The following MKI67 variants were observed in gnomAD, a reference collection of about 807,000 sequenced individuals.
MKI67 encodes proliferation marker protein Ki-67.
MKI67 carries 152 observed loss-of-function variants against 233.5 expected under a neutral mutation model. That is an observed-to-expected ratio of 0.65 (90% CI 0.57 to 0.74). MKI67 has a LOEUF of 0.74. Among genes scored for constraint, MKI67 ranks in the 30% least tolerant of loss-of-function variants. MKI67 has a pLI of 0.00. For missense variants in MKI67, 3,940 were observed against 3,885.2 expected, an observed-to-expected ratio of 1.01 and a Z score of -0.37; for synonymous variants, 1,465 against 1,418.5, an observed-to-expected ratio of 1.03 and a Z score of -0.74.
chr10:128,106,021 C>T lies in MKI67; in HGVS notation c.5819G>A (p.Arg1940Gln), dbSNP rs555853965. The change falls in exon 13 of 15, where the codon CGG becomes CAG. Residue 1940 changes from arginine (R) to glutamine (Q), a missense_variant. Coordinates refer to ENST00000368654, the MANE Select transcript of MKI67 (RefSeq NM_002417.5). ...LLGNLPGSKR[R>Q]PQTPKEKAKA... ...GGCCTTTTCTTTAGGAGTTTGTGGCCGTCTCTTGCTGCCAGGTAAATTTCC... is the reference window on the plus strand; with the variant it reads ...GGCCTTTTCTTTAGGAGTTTGTGGCTGTCTCTTGCTGCCAGGTAAATTTCC... 43 of 1,613,876 alleles carry T rather than the reference C, an allele frequency of 2.7e-5. No individual in the cohort carries two copies. Among genetic ancestry groups the T allele is most frequent in the South Asian group, 1.5e-4 (14 of 91,086 alleles).
At position 128,104,762 on chromosome 10, in the gene MKI67, G is replaced by C; in HGVS notation, c.7078C>G (p.Pro2360Ala). 2 of 1,611,132 alleles carry C rather than the reference G, an allele frequency of 1.2e-6. No individual in the cohort carries two copies. Among genetic ancestry groups the C allele is most frequent in the East Asian group, 2.2e-5 (1 of 44,658 alleles). Residue 2360 changes from proline (P) to alanine (A), a missense_variant, in exon 13 of 15, where the codon CCC becomes GCC. By Grantham distance (27) the Pro-to-Ala change is conservative. Coordinates refer to ENST00000368654, the MANE Select transcript of MKI67 (RefSeq NM_002417.5). ...TCTGCTTTCCTGAGGTTTCTCTTGG[G>C]CCGTTGCTTTGTGCTTGCTGGGGTG... ...VDTPASTKQR[P>A]KRNLRKADVE...
rs1852576439 is a variant in MKI67, at chr10:128,108,362, ATTC to A, written c.3475_3477del (p.Glu1159del). The A allele has an allele frequency of 6.2e-7, 1 of 1,611,980 alleles. No individual in the cohort carries two copies. The highest frequency in any genetic ancestry group is 8.5e-7 in the Non-Finnish European group (1 of 1,179,522). On this transcript the variant is annotated inframe_deletion, in exon 13 of 15. Coordinates refer to ENST00000368654, the MANE Select transcript of MKI67 (RefSeq NM_002417.5). ...GGTGTTAGTTTCCTGAGTGCTAAGA[ATTC>A]TTCCTCTACATCTGCTTTCCTGAGA...
At position 128,103,715 on chromosome 10, in the gene MKI67, G is replaced by A. The variant is rs1277123081; in HGVS notation, c.8125C>T (p.Pro2709Ser). 4.3e-6 allele frequency: 7 copies of A among 1,613,846 alleles called. No individual in the cohort carries two copies. The African/African-American group carries it at 9.4e-5, about 22-fold the overall frequency. The stretch of plus-strand genomic sequence containing the variant: ...GTGGTGTCTACCACTTCTAGTGGGG[G>A]AGATTCGCAGGGTATTTTAGTGGCT... ...GKATKIPCESPPLEVVDTTAS... is the reference protein window; with the variant it reads ...GKATKIPCESSPLEVVDTTAS... The change falls in exon 13 of 15, where the codon CCC becomes TCC. Residue 2709 changes from proline to serine, a missense_variant. Transcript: ENST00000368654.
Position 128,109,087 on chromosome 10 carries a change from C to G in MKI67, c.2753G>C (p.Arg918Thr). The change falls in exon 13 of 15, where the codon AGA (arginine) becomes ACA (threonine). Residue 918 changes from arginine to threonine, a missense_variant. Transcript: ENST00000368654. ...TTCTATTTCCTTCATCTCTCCTTCTCTCCTTTGTTGTAGTAGTGTTGCCTT... is the reference window on the plus strand; with the variant it reads ...TTCTATTTCCTTCATCTCTCCTTCTGTCCTTTGTTGTAGTAGTGTTGCCTT... ...GQKATLLQQR[R>T]EGEMKEIERP... is the part of the protein sequence containing the mutation. The G allele has an allele frequency of 6.2e-7, 1 of 1,614,196 alleles. No individual in the cohort carries two copies. Among genetic ancestry groups the G allele is most frequent in the Non-Finnish European group, 8.5e-7 (1 of 1,180,036 alleles).
Position 128,104,550 on chromosome 10 carries a change from C to T in MKI67, c.7290G>A (p.Lys2430=), listed in dbSNP as rs1367405697. The T allele has an allele frequency of 6.2e-7, 1 of 1,613,996 alleles. No individual in the cohort carries two copies. Among genetic ancestry groups the T allele is most frequent in the Non-Finnish European group, 8.5e-7 (1 of 1,180,038 alleles). ...CAACCAGGTCCTCTAGAGCCTCAGC[C>T]TTTTCCTTAGGAGTCTGTGGCTGTC... ...SKRQPQTPKE[K]AEALEDLVGF... is the part of the protein sequence containing the mutation. The change falls in exon 13 of 15, where the codon AAG becomes AAA. Residue 2430 remains lysine (K), a synonymous_variant. Transcript: ENST00000368654.
rs1434753537 is a variant in MKI67 at position 128,119,301 on chromosome 10, A to C, written c.306T>G (p.Leu102=). 2 of 1,606,464 alleles carry C rather than the reference A, an allele frequency of 1.2e-6. No homozygotes were observed. Residue 102 remains leucine (L), a synonymous_variant, in exon 5 of 15, where the codon CTT becomes CTG. Transcript: ENST00000368654. ...ATTCAGTTGACTTCCTTCCATTCTG[A>C]AGACTTTCATTTTCATACCTGCAGT... ...DRSFRYENES[L]QNGRKSTEFP...
chr10:128,122,033 C>T (rs1852960014), intron 4 of MKI67, among the ~76,000 whole-genome samples: 1 of 152,072 alleles, frequency 6.6e-6, no homozygotes, highest in Non-Finnish European at 1.5e-5. Flanking sequence ...GGTTTACTTG[C>T]TGAGGGAATG....
In MKI67 at chr10:128,107,656, A is replaced by C. The variant is rs1428057401; in HGVS notation, c.4184T>G (p.Leu1395Trp). ...TSTRRQPKTPLEKRDVQKELS... is the reference protein window; with the variant it reads ...TSTRRQPKTPWEKRDVQKELS... The stretch of plus-strand genomic sequence containing the variant: ...CTCCTTCTGTACGTCCCTTTTCTCC[A>C]AAGGTGTCTTGGGCTGCCTTCTTGT... The change falls in exon 13 of 15, where the codon TTG becomes TGG. Residue 1395 changes from leucine (L) to tryptophan (W), a missense_variant. Transcript: ENST00000368654. 6.2e-7 allele frequency: 1 copy of C among 1,613,798 alleles called. No individual in the cohort carries two copies. Among genetic ancestry groups the C allele is most frequent in the South Asian group, 1.1e-5 (1 of 91,056 alleles).
chr10:128,105,778 G>A lies in MKI67; in HGVS notation c.6062C>T (p.Thr2021Met), dbSNP rs768351415. Residue 2021 changes from threonine (T) to methionine (M), a missense_variant, in exon 13 of 15, where the codon ACG becomes ATG. Thr to Met is a moderately conservative substitution (Grantham distance 81). Transcript: ENST00000368654. Reference sequence around the variant, plus strand: ...GTGTGTCTGTGTGGTCTTCCCTGACGTCTGTGTGAGCTTGCCGACTGGTAG... The same window carrying A: ...GTGTGTCTGTGTGGTCTTCCCTGACATCTGTGTGAGCTTGCCGACTGGTAG... ...EVLPVGKLTQ[T>M]SGKTTQTHRE... 10 of 1,614,024 alleles carry A rather than the reference G, an allele frequency of 6.2e-6. No individual in the cohort carries two copies. The highest frequency in any genetic ancestry group is 1.6e-4 in the Middle Eastern group (1 of 6,084).
chr10:128,116,097 G>T, intron 6 of MKI67, 90 bp from the exon 7 acceptor site: 1 of 1,440,712 alleles, frequency 6.9e-7, no homozygotes, highest in Non-Finnish European at 9.2e-7. Flanking sequence ...ATTGTTTCAG[G>T]TTGTCTTATA....
rs1852234744 is a variant in MKI67, at chr10:128,097,430, G to A, written c.*1760C>T. ...GCTCTTGAAATACTGTACTTACCAG[G>A]GTGAGAAAAGGTGCTGACATACTTC... On this transcript the variant is annotated 3_prime_UTR_variant, in exon 15 of 15. Transcript: ENST00000368654. 1 of 152,038 alleles carries A rather than the reference G, an allele frequency of 6.6e-6. No homozygotes were observed. The highest frequency in any genetic ancestry group is 6.5e-5 in the Admixed American group (1 of 15,274). The allele number at this position is 152,038 out of a possible 1,614,324, so 9.4% of individuals were successfully genotyped here.
chr10:128,125,853 C>T lies in MKI67; in HGVS notation c.-89-97G>A. 1 of 634,444 alleles carries T rather than the reference C, an allele frequency of 1.6e-6. No homozygotes were observed. The highest frequency in any genetic ancestry group is 2.8e-6 in the Non-Finnish European group (1 of 355,730). 39.3% of individuals were successfully genotyped at this position (634,444 alleles called of 1,614,324 possible). A position where few individuals can be genotyped will look rare whatever the true frequency, so the allele number is the denominator to read the frequency against. ...CCGGCCACAGAAGCGCACACCGCAG[C>T]TAGCTAGCGGGGACCCCAGGACGAT... On this transcript the variant is annotated intron_variant, in intron 1 of 14. Coordinates refer to ENST00000368654, the MANE Select transcript of MKI67 (RefSeq NM_002417.5). The surrounding 1 kb of genome is among the most constrained non-coding windows in gnomAD (Gnocchi z 5.3).
chr10:128,123,200 T>G, intron 2 of MKI67, 31 bp from the exon 3 acceptor site: 1 of 1,501,534 alleles, frequency 6.7e-7, no homozygotes, highest in Non-Finnish European at 9.2e-7. Context: ...TTTTTTTGGT[T>G]GCTGCAACTT....
At position 128,106,418 on chromosome 10, in the gene MKI67, G is replaced by A. The variant is rs1239423940; in HGVS notation, c.5422C>T (p.Gln1808Ter). Residue 1808 changes from glutamine to a stop codon, truncating the protein, a stop_gained, in exon 13 of 15, where the codon CAG becomes TAG. Coordinates refer to ENST00000368654, the MANE Select transcript of MKI67 (RefSeq NM_002417.5). LOFTEE classifies it high-confidence loss of function. Reference protein sequence around the residue: ...FLGTPVQKLDQPGNLPGSNRR... With the variant: ...FLGTPVQKLD ...TTGCTGCCAGGTAAATTTCCTGGCT[G>A]GTCCAGTTTCTGCACTGGAGTTCCC... 6.2e-7 allele frequency: 1 copy of A among 1,613,094 alleles called. No homozygotes were observed. Among genetic ancestry groups the A allele is most frequent in the Admixed American group, 1.7e-5 (1 of 59,896 alleles).
Position 128,106,078 on chromosome 10 carries a change from A to T in MKI67, c.5762T>A (p.Val1921Glu). ...GTCCAGTTTCTCCACTGGAGTCCCC[A>T]CAAATGTGTTGATGTCTTTCTCTTC... ...VGEEKDINTF[V>E]GTPVEKLDLL... The change falls in exon 13 of 15, where the codon GTG becomes GAG. Residue 1921 changes from valine (V) to glutamate (E), a missense_variant. Coordinates refer to ENST00000368654, the MANE Select transcript of MKI67 (RefSeq NM_002417.5). 1 of 1,613,884 alleles carries T rather than the reference A, an allele frequency of 6.2e-7. No homozygotes were observed. Among genetic ancestry groups the T allele is most frequent in the African/African-American group, 1.3e-5 (1 of 74,928 alleles).
rs1215776306 is a variant in MKI67, at chr10:128,106,416, C to T, written c.5424G>A (p.Gln1808=). 1.9e-6 allele frequency: 3 copies of T among 1,613,530 alleles called. No individual in the cohort carries two copies. In the African/African-American group the frequency reaches 4.0e-5, roughly 22 times the overall value. Residue 1808 remains glutamine, a synonymous_variant, in exon 13 of 15, where the codon CAG becomes CAA. Coordinates refer to ENST00000368654, the MANE Select transcript of MKI67 (RefSeq NM_002417.5). Reference sequence around the variant, plus strand: ...TATTGCTGCCAGGTAAATTTCCTGGCTGGTCCAGTTTCTGCACTGGAGTTC... The same window carrying T: ...TATTGCTGCCAGGTAAATTTCCTGGTTGGTCCAGTTTCTGCACTGGAGTTC... ...FLGTPVQKLD[Q]PGNLPGSNRR...
chr10:128,126,379 C>T lies in MKI67; in HGVS notation c.-370G>A, dbSNP rs1853056696. The T allele has an allele frequency of 3.6e-5, 1 of 27,546 alleles. No homozygotes were observed. The highest frequency in any genetic ancestry group is 1.2e-4 in the African/African-American group (1 of 8,236). 1.7% of individuals were successfully genotyped at this position (27,546 alleles called of 1,614,324 possible). A position where few individuals can be genotyped will look rare whatever the true frequency, so the allele number is the denominator to read the frequency against. ...AGCGGCTCCCACCGAGTCGAGTCCT[C>T]CCGCCCGCCCGCCCGCCCGCAGCGT... On this transcript the variant is annotated 5_prime_UTR_variant, in exon 1 of 15. Transcript: ENST00000368654.
intron 4 of MKI67, among the ~76,000 whole-genome samples, chr10:128,121,957 G>T (rs1050747609): frequency 6.6e-6 from 1 of 152,204 alleles, no homozygotes; most frequent in East Asian, 1.9e-4. Flanking sequence ...AAACTATCGT[G>T]TTCAGAGATC....
Position 128,125,752 on chromosome 10 carries a change from T to G in MKI67, c.-85A>C. 8 of 1,128,058 alleles carry G rather than the reference T, an allele frequency of 7.1e-6. No individual in the cohort carries two copies. The highest frequency in any genetic ancestry group is 2.0e-4 in the Middle Eastern group (1 of 5,054). 69.9% of individuals were successfully genotyped at this position (1,128,058 alleles called of 1,614,324 possible). A position where few individuals can be genotyped will look rare whatever the true frequency, so the allele number is the denominator to read the frequency against. ...AAGGCCAGAAGCAAATTTACAACTC[T>G]TCCACTGCAAAAGAGGTGCGAGTTA... On this transcript the variant is annotated 5_prime_UTR_variant, in exon 2 of 15. Coordinates refer to ENST00000368654, the MANE Select transcript of MKI67 (RefSeq NM_002417.5). This position sits in a 1 kb window ranked among gnomAD's most constrained non-coding sequence, Gnocchi z 5.3.
Sources: gnomAD v4.1 joint callset for allele counts (sites outside exome capture counted in the v4.1 genomes callset) on GRCh38, gnomAD v4.1.1 for gene constraint, Gnocchi (gnomAD v3.1) non-coding constraint, MANE v1.5 for transcripts, NCBI Gene and HGNC (gene_info 2026-07-23, HGNC 2026-07-21) for gene names.